Variants in CYB5R4 observed in about 807,000 individuals in gnomAD.
The protein encoded by CYB5R4 is cytochrome b5 reductase 4.
A neutral mutation model predicts 70.2 loss-of-function variants in CYB5R4; 55 were observed. That is an observed-to-expected ratio of 0.78 (90% CI 0.63 to 0.98). The LOEUF is 0.98. Ranked by LOEUF, CYB5R4 falls within the 50% of genes least tolerant of loss-of-function variation. The pLI is 0.00. For missense variants in CYB5R4, 562 were observed against 612.6 expected (o/e 0.92, Z 0.87); for synonymous variants, 197 against 199.5 (o/e 0.99, Z 0.11).
At chr6:83,905,616 A>G (rs2099463640) in intron 3 of CYB5R4, among the ~76,000 whole-genome samples, 1 of 151,740 alleles carries the variant, frequency 6.6e-6, no homozygotes, top group African/African-American at 2.4e-5. Context: ...GGTGGGAGCA[A>G]TGGGCTAAGT....
chr6:83,908,857 T>G (rs1273347288), intron 3 of CYB5R4, 152 bp from the exon 4 acceptor site: 1 of 600,936 alleles, frequency 1.7e-6, no homozygotes, highest in East Asian at 2.8e-5. Flanking sequence ...GCAGCCTTTC[T>G]ATCACACCCT....
Position 83,964,759 on chromosome 6 carries a change from G to A in CYB5R4, c.*4881G>A, listed in dbSNP as rs1272850701. The A allele has an allele frequency of 6.6e-6, 1 of 152,196 alleles. No homozygotes were observed. Among genetic ancestry groups the A allele is most frequent in the Non-Finnish European group, 1.5e-5 (1 of 68,054 alleles). The allele number at this position is 152,196 out of a possible 1,614,324, so 9.4% of individuals were successfully genotyped here. ...CAGCCTCTTCTATCACAGACCTGGA[G>A]GTCTAGGAAGAAAAAATGGTAAAAA... On this transcript the variant is annotated 3_prime_UTR_variant, in exon 16 of 16. Coordinates refer to ENST00000369681, the MANE Select transcript of CYB5R4 (RefSeq NM_016230.4).
In CYB5R4 at chr6:83,965,461, T is replaced by G. The variant is rs959811043; in HGVS notation, c.*5583T>G. 6.6e-6 allele frequency: 1 copy of G among 152,172 alleles called. No individual in the cohort carries two copies. The highest frequency in any genetic ancestry group is 2.4e-5 in the African/African-American group (1 of 41,446). The allele number at this position is 152,172 out of a possible 1,614,324, so 9.4% of individuals were successfully genotyped here. ...CTGTAACCCCTTTGTTTTGGCCAAT[T>G]TCTCCCATTTGGAATGGCTGTATTT... On this transcript the variant is annotated 3_prime_UTR_variant, in exon 16 of 16. Transcript: ENST00000369681.
intron 12 of CYB5R4, among the ~76,000 whole-genome samples, chr6:83,937,750 C>T (rs1287331780): frequency 6.6e-6 from 1 of 152,210 alleles, no homozygotes; most frequent in Non-Finnish European, 1.5e-5. Flanking sequence ...AACTCCTAAC[C>T]TTAGATGATT....
chr6:83,911,336 G>A (rs2099464651), intron 4 of CYB5R4, among the ~76,000 whole-genome samples: 2 of 152,124 alleles, frequency 1.3e-5, no homozygotes, highest in South Asian at 4.1e-4. Flanking sequence ...GGAATTTCTA[G>A]AGGAAAAAAT....
At chr6:83,944,983 T>G (rs1301692927) in intron 14 of CYB5R4, among the ~76,000 whole-genome samples, 1 of 152,090 alleles carries the variant, frequency 6.6e-6, no homozygotes, top group East Asian at 1.9e-4. Flanking sequence ...GTGGGAGACT[T>G]TAACACCCTA....
chr6:83,884,927 TA>T lies in CYB5R4; in HGVS notation c.230-8594del, dbSNP rs563189128. Among the ~76,000 whole-genome samples the T allele has an allele frequency of 2.0e-3, 301 of 152,312 alleles. 1 individual carries two copies. The highest frequency in any genetic ancestry group is 6.9e-3 in the African/African-American group (289 of 41,584). On this transcript the variant is annotated intron_variant, in intron 2 of 15. Coordinates refer to ENST00000369681, the MANE Select transcript of CYB5R4 (RefSeq NM_016230.4). ...AAAACCCAAAATTATTTTTTAATCT[TA>T]TCACGGAAATAACGCTTTTACTTAA...
At chr6:83,882,643 C>T (rs1257391421) in intron 2 of CYB5R4, among the ~76,000 whole-genome samples, 1 of 152,028 alleles carries the variant, frequency 6.6e-6, no homozygotes, top group Non-Finnish European at 1.5e-5. Flanking sequence ...ACTTAGTTCA[C>T]AAGTATTTTA....
At chr6:83,936,827 T>G (rs553655143) in intron 12 of CYB5R4, among the ~76,000 whole-genome samples, 165 of 152,360 alleles carry the variant, frequency 1.1e-3, no homozygotes, top group African/African-American at 3.8e-3. Context: ...ACAAAGACTT[T>G]GATAATCTCT....
In CYB5R4 at chr6:83,960,967, TA is replaced by T. The variant is rs2099473240; in HGVS notation, c.*1090del. 6.6e-6 allele frequency: 1 copy of T among 152,216 alleles called. No homozygotes were observed. Among genetic ancestry groups the T allele is most frequent in the Admixed American group, 6.5e-5 (1 of 15,278 alleles). 9.4% of individuals were successfully genotyped at this position (152,216 alleles called of 1,614,324 possible). A position where few individuals can be genotyped will look rare whatever the true frequency, so the allele number is the denominator to read the frequency against. The stretch of plus-strand genomic sequence containing the variant: ...ATAGGTAGCTACTGTATAAGCTAAC[TA>T]GGATTTTTCAGTCTTAGTACAGCTG... On this transcript the variant is annotated 3_prime_UTR_variant, in exon 16 of 16. Coordinates refer to ENST00000369681, the MANE Select transcript of CYB5R4 (RefSeq NM_016230.4).
chr6:83,947,945 T>G (rs1287147112), intron 14 of CYB5R4, among the ~76,000 whole-genome samples: 1 of 152,160 alleles, frequency 6.6e-6, no homozygotes, highest in Non-Finnish European at 1.5e-5. Flanking sequence ...GTTCAACCCT[T>G]GTGGAAGACA....
At chr6:83,866,768 A>G (rs375447587) in intron 2 of CYB5R4, among the ~76,000 whole-genome samples, 5 of 151,944 alleles carry the variant, frequency 3.3e-5, no homozygotes, top group East Asian at 3.9e-4. Context: ...AGTGTGCACC[A>G]CCATGCCCAG....
intron 14 of CYB5R4, among the ~76,000 whole-genome samples, chr6:83,949,766 T>G (rs1368013723): frequency 4.6e-5 from 7 of 152,154 alleles, no homozygotes; most frequent in Admixed American, 4.6e-4. Flanking sequence ...AAAATAAAAT[T>G]GTATAATGGA....
At chr6:83,861,477 TG>T (rs2129126817) in intron 1 of CYB5R4, among the ~76,000 whole-genome samples, 1 of 152,320 alleles carries the variant, frequency 6.6e-6, no homozygotes, top group South Asian at 2.1e-4. Context: ...GTTATAATAT[TG>T]ATGAGAAAAA....
chr6:83,924,710 T>C (rs2099466984), intron 10 of CYB5R4, 118 bp downstream of exon 10: 1 of 1,063,606 alleles, frequency 9.4e-7, no homozygotes, highest in African/African-American at 1.6e-5. Context: ...TTGTATCTAC[T>C]GCTAGGAAGT....
At chr6:83,878,231 TA>T (rs566623039) in intron 2 of CYB5R4, among the ~76,000 whole-genome samples, 9 of 151,822 alleles carry the variant, frequency 5.9e-5, no homozygotes, top group Admixed American at 2.6e-4. Context: ...TCCACTAGAT[TA>T]AAAAAAAATC....
At chr6:83,877,153 A>T (rs1333149220) in intron 2 of CYB5R4, among the ~76,000 whole-genome samples, 1 of 152,134 alleles carries the variant, frequency 6.6e-6, no homozygotes, top group Non-Finnish European at 1.5e-5. Context: ...TTTATAGTGC[A>T]GGTCTGTTGG....
At chr6:83,904,827 T>G (rs550556358) in intron 3 of CYB5R4, among the ~76,000 whole-genome samples, 1 of 152,348 alleles carries the variant, frequency 6.6e-6, no homozygotes, top group East Asian at 1.9e-4. Flanking sequence ...TTTTTATAAT[T>G]CTGTTGTACC....
At chr6:83,891,800 C>T (rs922467892) in intron 2 of CYB5R4, among the ~76,000 whole-genome samples, 13 of 152,304 alleles carry the variant, frequency 8.5e-5, no homozygotes, top group African/African-American at 2.9e-4. Flanking sequence ...TAGCAGAGAA[C>T]ATGTATGGAA....
Sources: allele counts gnomAD v4.1 joint callset (sites outside exome capture counted in the v4.1 genomes callset), GRCh38; gene constraint gnomAD v4.1.1; transcripts MANE v1.5; gene names NCBI Gene and HGNC (gene_info 2026-07-23, HGNC 2026-07-21).